MAF: variants seen among roughly 807,000 people sequenced by gnomAD.
MAF encodes MAF bZIP transcription factor, also known as transcription factor Maf.
Under a neutral mutation model 22.0 loss-of-function variants are expected in MAF, and 10 were observed. The observed-to-expected ratio is 0.45, with a 90% confidence interval of 0.28 to 0.77. MAF has a LOEUF of 0.77. Ranked by LOEUF, MAF falls within the 30% of genes least tolerant of loss-of-function variation. MAF has a pLI of 0.12. For synonymous variants in MAF, 337 were observed against 255.8 expected (o/e 1.32, Z -3.03); for missense variants, 544 against 548.4 (o/e 0.99, Z 0.08).
chr16:79,377,653 G>T, the MAF span, among the ~76,000 whole-genome samples: 10 of 152,098 alleles, frequency 6.6e-5, no homozygotes, highest in African/African-American at 2.4e-4. Flanking sequence ...GCGTTTTTAT[G>T]GTTTTAGGTC....
chr16:79,245,956 A>G, the MAF span, among the ~76,000 whole-genome samples: 1 of 152,028 alleles, frequency 6.6e-6, no homozygotes, highest in Non-Finnish European at 1.5e-5. Context: ...CTAACACAAG[A>G]ACAGAAAACC....
the MAF span, among the ~76,000 whole-genome samples, chr16:79,210,730 CA>C: frequency 1.2e-4 from 18 of 152,098 alleles, no homozygotes; most frequent in African/African-American, 4.3e-4. Context: ...GCTTGCAAAG[CA>C]AAGTGATTTC....
the MAF span, among the ~76,000 whole-genome samples, chr16:79,562,301 A>C: frequency 1.3e-5 from 2 of 152,218 alleles, no homozygotes; most frequent in Non-Finnish European, 2.9e-5. Context: ...GACATGGACA[A>C]GGTTTGTTTT....
chr16:79,593,656 A>C (rs1359160096), downstream of MAF, among the ~76,000 whole-genome samples: 1 of 152,218 alleles, frequency 6.6e-6, no homozygotes, highest in Non-Finnish European at 1.5e-5. Context: ...TTGCCAGGCA[A>C]AAGTAGAATG....
the MAF span, among the ~76,000 whole-genome samples, chr16:79,479,224 G>A: frequency 6.6e-6 from 1 of 152,166 alleles, no homozygotes; most frequent in Admixed American, 6.5e-5. Context: ...GTGCACCCAT[G>A]CACAACCCCA....
chr16:79,220,894 G>T, the MAF span, among the ~76,000 whole-genome samples: 1 of 152,186 alleles, frequency 6.6e-6, no homozygotes, highest in Non-Finnish European at 1.5e-5. Flanking sequence ...TGTCTGGCAT[G>T]CAGCACTGTT....
At chr16:79,234,387 T>G in the MAF span, among the ~76,000 whole-genome samples, 92,350 of 151,958 alleles carry the variant, frequency 0.61, 29,161 homozygotes, top group Non-Finnish European at 0.68. Context: ...GTTCAATATC[T>G]TATAAAACAG....
chr16:79,378,624 T>A, the MAF span, among the ~76,000 whole-genome samples: 5 of 152,224 alleles, frequency 3.3e-5, no homozygotes, highest in East Asian at 9.6e-4. Context: ...TGTTTACCCA[T>A]AATCTGACCA....
At chr16:79,480,998 C>T in the MAF span, among the ~76,000 whole-genome samples, 1 of 152,190 alleles carries the variant, frequency 6.6e-6, no homozygotes, top group Admixed American at 6.5e-5. Context: ...CCCCTCGCTC[C>T]ACTTTACTTT....
the MAF span, among the ~76,000 whole-genome samples, chr16:79,460,999 T>C: frequency 6.6e-6 from 1 of 152,248 alleles, no homozygotes; most frequent in African/African-American, 2.4e-5. Context: ...GATGTACTTA[T>C]AGGCACATGG....
At chr16:79,227,021 T>A in the MAF span, among the ~76,000 whole-genome samples, 1 of 151,892 alleles carries the variant, frequency 6.6e-6, no homozygotes, top group African/African-American at 2.4e-5. Context: ...TTGAAAAAAA[T>A]AAAAGCAGGT....
At chr16:79,564,065 G>C in the MAF span, among the ~76,000 whole-genome samples, 21 of 152,208 alleles carry the variant, frequency 1.4e-4, no homozygotes, top group African/African-American at 4.3e-4. Context: ...ATTTCAAGTG[G>C]AGCAGACCCT....
chr16:79,215,650 G>C, the MAF span, among the ~76,000 whole-genome samples: 1 of 152,082 alleles, frequency 6.6e-6, no homozygotes. Flanking sequence ...ACTTTGTAAG[G>C]GTAGCTGAGG....
At chr16:79,488,312 G>A in the MAF span, among the ~76,000 whole-genome samples, 1 of 152,138 alleles carries the variant, frequency 6.6e-6, no homozygotes, top group African/African-American at 2.4e-5. Flanking sequence ...CTCGTGTTGG[G>A]TGTCCAGAAA....
chr16:79,587,708 GA>G (rs908483772), intron 1 of MAF, among the ~76,000 whole-genome samples: 2 of 151,472 alleles, frequency 1.3e-5, no homozygotes, highest in Admixed American at 6.6e-5. Context: ...ATTTTTGGAG[GA>G]AAAAAAACAG....
At chr16:79,225,155 A>C in the MAF span, among the ~76,000 whole-genome samples, 2 of 152,240 alleles carry the variant, frequency 1.3e-5, no homozygotes, top group Admixed American at 6.5e-5. Context: ...TACTGGTGCC[A>C]AAACAGATAT....
chr16:79,211,034 A>AGTGAGTGTGTGTGT, the MAF span, among the ~76,000 whole-genome samples: 1 of 149,602 alleles, frequency 6.7e-6, no homozygotes, highest in Admixed American at 6.7e-5. Context: ...TATGGTGAGG[A>AGTGAGTGTGTGTGT]GTGTGTGTGT....
At chr16:79,447,683 G>C in the MAF span, among the ~76,000 whole-genome samples, 3 of 152,040 alleles carry the variant, frequency 2.0e-5, no homozygotes, top group Non-Finnish European at 4.4e-5. Flanking sequence ...ATAGGAGTTT[G>C]TAAGAAGTTG....
the MAF span, among the ~76,000 whole-genome samples, chr16:79,475,318 G>A: frequency 1.3e-5 from 2 of 150,470 alleles, no homozygotes; most frequent in Admixed American, 1.3e-4. Context: ...ACATATATAT[G>A]TGCATATATA....
Sources: gnomAD v4.1 joint callset for allele counts (sites outside exome capture counted in the v4.1 genomes callset) on GRCh38, gnomAD v4.1.1 for gene constraint, MANE v1.5 for transcripts, NCBI Gene and HGNC (gene_info 2026-07-23, HGNC 2026-07-21) for gene names.